Variants in C4orf36 observed in about 807,000 individuals in gnomAD.
The protein encoded by C4orf36 is uncharacterized protein C4orf36.
Under a neutral mutation model 12.2 loss-of-function variants are expected in C4orf36, and 11 were observed. The observed-to-expected ratio is 0.90, with a 90% confidence interval of 0.57 to 1.49. The LOEUF (loss-of-function observed/expected upper bound fraction) is 1.49, where lower values mean the gene tolerates loss of function less well. Among genes scored for constraint, C4orf36 ranks in the 40% most tolerant of loss-of-function variants. C4orf36 has a pLI of 0.00. For missense variants in C4orf36, 137 were observed against 133.9 expected, an observed-to-expected ratio of 1.02 and a Z score of -0.11; for synonymous variants, 54 against 51.3, an observed-to-expected ratio of 1.05 and a Z score of -0.22.
chr4:86,906,876 C>T, the C4orf36 span, among the ~76,000 whole-genome samples: 10 of 151,830 alleles, frequency 6.6e-5, no homozygotes, highest in African/African-American at 2.4e-4. Context: ...CCCATCTCTA[C>T]TAAAAATACA....
At chr4:86,884,611 A>AT (rs913058417) in intron 4 of C4orf36, among the ~76,000 whole-genome samples, 5 of 151,888 alleles carry the variant, frequency 3.3e-5, no homozygotes, top group Admixed American at 1.3e-4. Context: ...CAGCCTGACA[A>AT]TTTTTTTTAG....
At chr4:86,933,878 G>A in the C4orf36 span, among the ~76,000 whole-genome samples, 1 of 152,182 alleles carries the variant, frequency 6.6e-6, no homozygotes, top group Non-Finnish European at 1.5e-5. Context: ...ATCTCCCGAT[G>A]GGAGGATATG....
At chr4:86,914,415 T>A in the C4orf36 span, 1 of 806,318 alleles carries the variant, frequency 1.2e-6, no homozygotes, top group Admixed American at 2.8e-5. Flanking sequence ...TTTTTTTTTT[T>A]TTTGAGACAG....
chr4:86,903,954 A>G, the C4orf36 span, among the ~76,000 whole-genome samples: 5 of 152,308 alleles, frequency 3.3e-5, no homozygotes, highest in East Asian at 9.6e-4. Context: ...TTAGCTAGAC[A>G]CAGAGCGCTG....
rs1747262515 is a variant in C4orf36 at position 86,888,262 on chromosome 4, C to T, written c.79G>A (p.Asp27Asn). The part of the protein sequence containing the change: ...GSCYNVQEPW[D>N]IALLAKTWST... ...CAGGTCTTTGCAAGCAATGCAATAT[C>T]CCAAGGTTCCTGTCTGGGGCAAAAA... is the stretch of plus-strand genomic sequence containing the variant. The change falls in exon 3 of 5, where the codon GAT (aspartate) becomes AAT (asparagine). Residue 27 changes from aspartate to asparagine, a missense_variant. Physicochemically the swap from Asp to Asn is conservative, Grantham distance 23. Transcript: ENST00000295898. 1 of 1,613,470 alleles carries T rather than the reference C, an allele frequency of 6.2e-7. No individual in the cohort carries two copies. The highest frequency in any genetic ancestry group is 2.2e-5 in the East Asian group (1 of 44,862).
chr4:86,899,545 A>G, the C4orf36 span, among the ~76,000 whole-genome samples: 1 of 152,220 alleles, frequency 6.6e-6, no homozygotes, highest in Non-Finnish European at 1.5e-5. Flanking sequence ...AGGCAGTGCC[A>G]GGCACAGTGG....
chr4:86,882,485 G>A (rs1747072176), intron 4 of C4orf36, among the ~76,000 whole-genome samples: 1 of 152,078 alleles, frequency 6.6e-6, no homozygotes, highest in South Asian at 2.1e-4. Context: ...CCTACCCCTA[G>A]AAGAAAAAGC....
the C4orf36 span, among the ~76,000 whole-genome samples, chr4:86,917,443 GAA>G: frequency 4.0e-5 from 5 of 126,212 alleles, no homozygotes; most frequent in African/African-American, 5.5e-5. Context: ...GAAAGGGAGA[GAA>G]AGAGAAAAAG....
intron 4 of C4orf36, among the ~76,000 whole-genome samples, chr4:86,880,948 G>A (rs1402281000): frequency 6.6e-6 from 1 of 150,832 alleles, no homozygotes; most frequent in Non-Finnish European, 1.5e-5. Context: ...CAGGAAAATT[G>A]CATGAACCCA....
the C4orf36 span, among the ~76,000 whole-genome samples, chr4:86,930,123 C>A: frequency 6.6e-6 from 1 of 152,372 alleles, no homozygotes; most frequent in East Asian, 1.9e-4. Context: ...CACCGGGGCA[C>A]TGTTACTTAG....
chr4:86,914,260 C>T, the C4orf36 span: 1 of 1,602,824 alleles, frequency 6.2e-7, no homozygotes. Flanking sequence ...TGACTCCAGA[C>T]ATAGGCATTG....
At chr4:86,914,029 C>T in the C4orf36 span, 57 of 1,609,370 alleles carry the variant, frequency 3.5e-5, no homozygotes, top group Admixed American at 8.5e-4. Context: ...GCCAGCAAAA[C>T]GTCGTTGGGA....
the C4orf36 span, among the ~76,000 whole-genome samples, chr4:86,900,643 C>T: frequency 6.6e-6 from 1 of 152,170 alleles, no homozygotes; most frequent in Non-Finnish European, 1.5e-5. Context: ...CTGACCTTGG[C>T]TCCCTCCATG....
the C4orf36 span, among the ~76,000 whole-genome samples, chr4:86,903,773 C>G: frequency 4.2e-3 from 639 of 152,284 alleles, 4 homozygotes; most frequent in African/African-American, 0.015. Context: ...GCCCATTTTA[C>G]AGAGAGCTGA....
chr4:86,881,188 A>G (rs748048107), intron 4 of C4orf36, among the ~76,000 whole-genome samples: 12 of 152,216 alleles, frequency 7.9e-5, no homozygotes, highest in Non-Finnish European at 1.6e-4. Flanking sequence ...TGAATACACA[A>G]TATAGAAAGA....
intron 4 of C4orf36, among the ~76,000 whole-genome samples, chr4:86,877,843 T>C (rs1746963821): frequency 6.6e-6 from 1 of 152,190 alleles, no homozygotes; most frequent in African/African-American, 2.4e-5. Context: ...AAATTGGAAA[T>C]CTACATTTAT....
At chr4:86,933,040 A>C in the C4orf36 span, 3 of 152,330 alleles carry the variant, frequency 2.0e-5, no homozygotes, top group East Asian at 5.8e-4. Flanking sequence ...TAGATATAAA[A>C]AATTTTTTAA....
At chr4:86,877,123 T>C (rs1314920394) in intron 4 of C4orf36, among the ~76,000 whole-genome samples, 2 of 152,186 alleles carry the variant, frequency 1.3e-5, no homozygotes, top group Non-Finnish European at 2.9e-5. Context: ...CTTTTCACAG[T>C]CCAAAACATA....
chr4:86,921,268 A>C, the C4orf36 span, among the ~76,000 whole-genome samples: 10 of 152,042 alleles, frequency 6.6e-5, no homozygotes, highest in Admixed American at 3.3e-4. Context: ...CACACACACA[A>C]AAAAATAGAG....
Sources: gnomAD v4.1 joint callset for allele counts (sites outside exome capture counted in the v4.1 genomes callset) on GRCh38, gnomAD v4.1.1 for gene constraint, MANE v1.5 for transcripts, NCBI Gene and HGNC (gene_info 2026-07-23, HGNC 2026-07-21) for gene names.